The following ORC4 variants were observed in gnomAD, a reference collection of about 807,000 sequenced individuals.
ORC4 encodes the protein origin recognition complex subunit 4, also known as origin recognition complex, subunit 4 homolog.
Under a neutral mutation model 63.9 loss-of-function variants are expected in ORC4, and 55 were observed. That is an observed-to-expected ratio of 0.86 (90% confidence interval 0.69 to 1.08). The LOEUF is 1.08. ORC4 is among the 50% of genes least tolerant of loss of function. ORC4 has a pLI of 0.00. For missense variants in ORC4, 511 were observed against 504.4 expected, an observed-to-expected ratio of 1.01 and a Z score of -0.13; for synonymous variants, 150 against 168.5, an observed-to-expected ratio of 0.89 and a Z score of 0.85.
chr2:148,014,996 T>C (rs1693181437), intron 1 of ORC4, among the ~76,000 whole-genome samples: 1 of 151,740 alleles, frequency 6.6e-6, no homozygotes, highest in Non-Finnish European at 1.5e-5. Context: ...ATCACCAATA[T>C]CTTTAAAAAG....
chr2:147,935,658 A>T lies in ORC4; in HGVS notation c.1163T>A (p.Met388Lys). 6.2e-7 allele frequency: 1 copy of T among 1,613,394 alleles called. No individual in the cohort carries two copies. Among genetic ancestry groups the T allele is most frequent in the South Asian group, 1.1e-5 (1 of 91,052 alleles). Residue 388 changes from methionine (M) to lysine (K), a missense_variant, in exon 14 of 14, where the codon ATG becomes AAG. Met to Lys is a moderately conservative substitution (Grantham distance 95, BLOSUM62 -1). Coordinates refer to ENST00000392857, the MANE Select transcript of ORC4 (RefSeq NM_181741.4). ...CTGTGAATTTCCTGAAGTTCTTTCC[A>T]TGGGCTTTATTAATTCTAATTGCTG... ...HLQQLELIKP[M>K]ERTSGNSQRE... is the part of the protein sequence containing the mutation.
rs200979238 is a variant in ORC4, at chr2:147,989,577, G to T, written c.-17-13602C>A. ...AAAAATTAGCCAGGTGTGGTGGCAC[G>T]TGCCTGTAATCCCAGCTACTCAGGA... On this transcript the variant is annotated intron_variant, in intron 1 of 13. Coordinates refer to ENST00000392857, the MANE Select transcript of ORC4 (RefSeq NM_181741.4). Among the ~76,000 whole-genome samples, 7 of 152,022 alleles carry T rather than the reference G, an allele frequency of 4.6e-5. No homozygotes were observed. In the East Asian group the frequency reaches 1.4e-3, roughly 30 times the overall value.
chr2:147,986,744 C>T (rs115004792), intron 1 of ORC4, among the ~76,000 whole-genome samples: 5,414 of 150,652 alleles, frequency 0.036, 120 homozygotes, highest in Middle Eastern at 0.089. Flanking sequence ...ATCCAGCCAA[C>T]TAAAGCATAA....
chr2:147,942,048 G>A, intron 10 of ORC4, among the ~76,000 whole-genome samples: 1 of 152,042 alleles, frequency 6.6e-6, no homozygotes, highest in Non-Finnish European at 1.5e-5. Flanking sequence ...CTAGTAGTGT[G>A]ACCTTCGGCA....
chr2:148,005,927 T>G (rs367562635), intron 1 of ORC4, among the ~76,000 whole-genome samples: 1 of 151,502 alleles, frequency 6.6e-6, no homozygotes, highest in African/African-American at 2.4e-5. Flanking sequence ...CTGGAATGAG[T>G]TGAGATCACG....
chr2:148,011,184 A>G (rs1363617395), intron 1 of ORC4, among the ~76,000 whole-genome samples: 6 of 152,160 alleles, frequency 3.9e-5, no homozygotes, highest in Non-Finnish European at 7.3e-5. Context: ...CAAAAAAGAA[A>G]CTACAGGCCA....
chr2:147,989,198 A>G (rs749462021), intron 1 of ORC4, among the ~76,000 whole-genome samples: 1 of 152,144 alleles, frequency 6.6e-6, no homozygotes, highest in Non-Finnish European at 1.5e-5. Context: ...AAAAATAAAA[A>G]GGCACGCTCT....
intron 1 of ORC4, among the ~76,000 whole-genome samples, chr2:147,994,522 GA>G (rs1173489201): frequency 6.6e-6 from 1 of 152,192 alleles, no homozygotes; most frequent in Non-Finnish European, 1.5e-5. Context: ...ACAGAGCCCA[GA>G]AATAGGCCCA....
chr2:147,950,731 C>T (rs1200618720), intron 8 of ORC4, among the ~76,000 whole-genome samples: 2 of 146,864 alleles, frequency 1.4e-5, no homozygotes, highest in Admixed American at 1.4e-4. Flanking sequence ...TGCCATTGTA[C>T]TCCAGCCTGG....
chr2:147,992,240 G>A (rs913289147), intron 1 of ORC4, among the ~76,000 whole-genome samples: 1 of 152,152 alleles, frequency 6.6e-6, no homozygotes. Context: ...AAGGGCGACA[G>A]ACACTTGAAT....
chr2:148,006,526 G>T (rs1031354209), intron 1 of ORC4, among the ~76,000 whole-genome samples: 3 of 152,124 alleles, frequency 2.0e-5, no homozygotes, highest in Non-Finnish European at 4.4e-5. Context: ...ACTTCAGCTT[G>T]GGGTAAGGAA....
At position 147,972,786 on chromosome 2, in the gene ORC4, T is replaced by C. The variant is rs1179834040; in HGVS notation, c.178A>G (p.Ser60Gly). The C allele has an allele frequency of 5.0e-6, 8 of 1,612,344 alleles. No homozygotes were observed. The highest frequency in any genetic ancestry group is 5.9e-6 in the Non-Finnish European group (7 of 1,178,794). The change falls in exon 4 of 14, where the codon AGT (serine) becomes GGT (glycine). Residue 60 changes from serine (S) to glycine (G), a missense_variant. Coordinates refer to ENST00000392857, the MANE Select transcript of ORC4 (RefSeq NM_181741.4). ...LLKRTALHGE[S>G]NSVLIIGPRG... ...GGTCCGATAATAAGGACAGAGTTAC[T>C]CTCTCCATGGAGAGCAGTTCTTTTC...
At chr2:147,985,837 G>A (rs759948347) in intron 1 of ORC4, among the ~76,000 whole-genome samples, 1 of 152,024 alleles carries the variant, frequency 6.6e-6, no homozygotes, top group Non-Finnish European at 1.5e-5. Flanking sequence ...ACCTGCCCAA[G>A]ATGACATAGC....
At chr2:147,944,640 C>G (rs919261296) in intron 9 of ORC4, among the ~76,000 whole-genome samples, 7 of 150,742 alleles carry the variant, frequency 4.6e-5, no homozygotes, top group African/African-American at 1.7e-4. Flanking sequence ...CCAAGAAAGG[C>G]CTGGAAAAGA....
intron 1 of ORC4, among the ~76,000 whole-genome samples, chr2:147,998,810 G>A (rs967170816): frequency 6.6e-6 from 1 of 152,160 alleles, no homozygotes; most frequent in African/African-American, 2.4e-5. Context: ...TGGAGGTGAG[G>A]AGAGATATGG....
chr2:147,952,463 A>G lies in ORC4; in HGVS notation c.498T>C (p.His166=). The change falls in exon 8 of 14, where the codon CAT becomes CAC. Residue 166 remains histidine, a synonymous_variant. Coordinates refer to ENST00000392857, the MANE Select transcript of ORC4 (RefSeq NM_181741.4). The part of the protein sequence containing the change: ...FILDEFDLFA[H]HKNQTLLYNL... ...TATAGAGAAGTGTTTGGTTTTTATGATGAGCAAAAAGATCAAATTCATCTA... is the reference window on the plus strand; with the variant it reads ...TATAGAGAAGTGTTTGGTTTTTATGGTGAGCAAAAAGATCAAATTCATCTA... 2 of 1,611,212 alleles carry G rather than the reference A, an allele frequency of 1.2e-6. No homozygotes were observed. Among genetic ancestry groups the G allele is most frequent in the South Asian group, 1.1e-5 (1 of 91,018 alleles).
intron 1 of ORC4, among the ~76,000 whole-genome samples, chr2:147,983,584 G>A (rs1366319068): frequency 1.3e-5 from 2 of 152,130 alleles, no homozygotes; most frequent in African/African-American, 2.4e-5. Flanking sequence ...CTATGGAAAC[G>A]AATGTCAACA....
chr2:148,003,484 T>G (rs1342576476), intron 1 of ORC4, among the ~76,000 whole-genome samples: 1 of 152,082 alleles, frequency 6.6e-6, no homozygotes, highest in Non-Finnish European at 1.5e-5. Context: ...ATGTAATCCA[T>G]CACATAAACA....
At position 147,975,898 on chromosome 2, in the gene ORC4, T is replaced by C. The variant is rs1423845398; in HGVS notation, c.57+4A>G. 2 of 1,508,640 alleles carry C rather than the reference T, an allele frequency of 1.3e-6. No individual in the cohort carries two copies. Among genetic ancestry groups the C allele is most frequent in the African/African-American group, 1.4e-5 (1 of 73,058 alleles). 93.5% of individuals were successfully genotyped at this position (1,508,640 alleles called of 1,614,324 possible). A position where few individuals can be genotyped will look rare whatever the true frequency, so the allele number is the denominator to read the frequency against. ...TCTTGAGATTAATGAAAATACATAC[T>C]AACCTGTGAAAGGCACTCTGTGTGA... On this transcript the variant is annotated splice_donor_region_variant and intron_variant, in intron 2 of 13. Coordinates refer to ENST00000392857, the MANE Select transcript of ORC4 (RefSeq NM_181741.4).
Sources: allele counts gnomAD v4.1 joint callset (sites outside exome capture counted in the v4.1 genomes callset), GRCh38; gene constraint gnomAD v4.1.1; transcripts MANE v1.5; gene names NCBI Gene and HGNC (gene_info 2026-07-23, HGNC 2026-07-21).